NRG1: variants seen among roughly 807,000 people sequenced by gnomAD.
NRG1 encodes neuregulin 1, also known as pro-neuregulin-1, membrane-bound isoform.
NRG1 carries 18 observed loss-of-function variants against 63.8 expected under a neutral mutation model. That is an observed-to-expected ratio of 0.28 (90% CI 0.19 to 0.42). The LOEUF (loss-of-function observed/expected upper bound fraction) is 0.42, where lower values mean the gene tolerates loss of function less well. Among genes scored for constraint, NRG1 ranks in the 10% least tolerant of loss-of-function variants. NRG1 has a pLI of 1.00. For synonymous variants in NRG1, 302 were observed against 301.3 expected, an observed-to-expected ratio of 1.00 and a Z score of -0.02; for missense variants, 762 against 814.7, an observed-to-expected ratio of 0.94 and a Z score of 0.79.
At chr8:32,467,463 A>T (rs1209141325) in intron 1 of NRG1, among the ~76,000 whole-genome samples, 1 of 152,196 alleles carries the variant, frequency 6.6e-6, no homozygotes, top group Admixed American at 6.5e-5. Context: ...AATAGATGCC[A>T]TGTGAAATCC....
At chr8:32,061,271 C>T (rs1253500726) in intron 1 of NRG1, among the ~76,000 whole-genome samples, 1 of 151,770 alleles carries the variant, frequency 6.6e-6, no homozygotes, top group Admixed American at 6.6e-5. Context: ...TTTAAAGTAC[C>T]TCCTTTAAAG....
At chr8:32,709,908 C>A (rs1030038762) in intron 5 of NRG1, among the ~76,000 whole-genome samples, 3 of 152,138 alleles carry the variant, frequency 2.0e-5, no homozygotes, top group African/African-American at 7.2e-5. Context: ...CATTGTTCTT[C>A]CAATTTTGCA....
At chr8:31,808,174 G>C (rs1256253007) in intron 1 of NRG1, among the ~76,000 whole-genome samples, 1 of 151,826 alleles carries the variant, frequency 6.6e-6, no homozygotes, top group Non-Finnish European at 1.5e-5. Flanking sequence ...ATGATTAAAA[G>C]TTATGTTTCA....
At chr8:32,767,480 C>T (rs1430002792) in exon 12 of NRG1, 1 of 152,106 alleles carries the variant, frequency 6.6e-6, no homozygotes. Flanking sequence ...AGGAAATGGC[C>T]ACATATCACA....
intron 1 of NRG1, among the ~76,000 whole-genome samples, chr8:32,382,335 G>A (rs556815986): frequency 2.6e-4 from 39 of 152,204 alleles, no homozygotes; most frequent in African/African-American, 3.6e-4. Flanking sequence ...TTTCATAACC[G>A]TAGAAATTAT....
intron 1 of NRG1, among the ~76,000 whole-genome samples, chr8:31,844,213 G>T (rs1826461856): frequency 6.6e-6 from 1 of 152,184 alleles, no homozygotes; most frequent in South Asian, 2.1e-4. Flanking sequence ...GTGCTGAGCT[G>T]CCTCCTGTGG....
chr8:32,496,634 G>A (rs1827232200), intron 1 of NRG1, among the ~76,000 whole-genome samples: 1 of 152,110 alleles, frequency 6.6e-6, no homozygotes, highest in East Asian at 1.9e-4. Context: ...GTGTTTGGGA[G>A]GGAGACTGGT....
chr8:32,102,125 T>A lies in NRG1; in HGVS notation c.37+462694T>A, dbSNP rs568804533. On this transcript the variant is annotated intron_variant, in intron 1 of 10. Transcript: ENST00000519301. ...TTGCTTTCAAATACACTTTTAACAA[T>A]ACAAAAGAATAATTGAAGACTTTTT... Among the ~76,000 whole-genome samples the A allele has an allele frequency of 2.0e-5, 3 of 152,252 alleles. No individual in the cohort carries two copies. In the South Asian group the frequency reaches 6.2e-4, roughly 32 times the overall value.
chr8:32,163,061 G>T (rs1839008544), intron 1 of NRG1, among the ~76,000 whole-genome samples: 1 of 152,156 alleles, frequency 6.6e-6, no homozygotes, highest in South Asian at 2.1e-4. Context: ...CTCCTTAAAA[G>T]AAAATTAAAT....
In NRG1 at chr8:32,349,472, T is replaced by G. The variant is rs573006830; in HGVS notation, c.38-246356T>G. ...ATGAGTAGTCAAGGTACCATACACA[T>G]GGGAAGTGTGAAGGAGACTTACTTA... On this transcript the variant is annotated intron_variant, in intron 1 of 10. Coordinates refer to the NRG1 transcript ENST00000519301. Among the ~76,000 whole-genome samples the G allele has an allele frequency of 3.7e-4, 56 of 152,242 alleles. No individual in the cohort carries two copies. The South Asian group carries it at 6.6e-3, about 18-fold the overall frequency.
At chr8:32,071,932 T>G (rs1825806948) in intron 1 of NRG1, among the ~76,000 whole-genome samples, 1 of 152,182 alleles carries the variant, frequency 6.6e-6, no homozygotes, top group Non-Finnish European at 1.5e-5. Context: ...CACAAGGCAG[T>G]TAGTAGACGA....
rs28545652 is a variant in NRG1, at chr8:32,690,061, G to A, written c.503-37888G>A. On this transcript the variant is annotated intron_variant, in intron 5 of 11. Transcript: ENST00000356819. The stretch of plus-strand genomic sequence containing the variant: ...GTCCTTGCCCTTCCTGATACACTTT[G>A]ATATACCTTCAACTTTGAGATCATT... Among the ~76,000 whole-genome samples, 1,257 of 152,204 alleles carry A rather than the reference G, an allele frequency of 8.3e-3. 15 individuals are homozygous for A. The highest frequency in any genetic ancestry group is 0.029 in the African/African-American group (1,199 of 41,528).
At chr8:31,699,829 C>T (rs1810456049) in intron 1 of NRG1, among the ~76,000 whole-genome samples, 1 of 152,028 alleles carries the variant, frequency 6.6e-6, no homozygotes, top group African/African-American at 2.4e-5. Context: ...CCTAGGTTTA[C>T]TGAGTGGGAG....
chr8:32,166,230 G>A (rs966448619), intron 1 of NRG1, among the ~76,000 whole-genome samples: 5 of 152,046 alleles, frequency 3.3e-5, no homozygotes, highest in African/African-American at 1.2e-4. Context: ...GGAGCAATAT[G>A]TTTTGTTCTC....
chr8:31,856,609 C>A (rs2929482), intron 1 of NRG1, among the ~76,000 whole-genome samples: 107,151 of 152,080 alleles, frequency 0.7, 38,403 homozygotes, highest in East Asian at 0.92. Flanking sequence ...TTCTTCTCTC[C>A]GCTCGTCAAA....
chr8:32,359,260 T>C (rs1035528162), intron 1 of NRG1, among the ~76,000 whole-genome samples: 2 of 152,208 alleles, frequency 1.3e-5, no homozygotes, highest in Admixed American at 6.5e-5. Flanking sequence ...CACCTATCTT[T>C]GATTCATTCA....
At chr8:31,708,443 A>ATT (rs1232647785) in intron 1 of NRG1, among the ~76,000 whole-genome samples, 1 of 132,072 alleles carries the variant, frequency 7.6e-6, no homozygotes, top group Non-Finnish European at 1.6e-5. Flanking sequence ...AATAAACATA[A>ATT]TTGTTTTTTT....
intron 1 of NRG1, among the ~76,000 whole-genome samples, chr8:32,144,050 G>A (rs1405626017): frequency 6.6e-6 from 1 of 152,206 alleles, no homozygotes; most frequent in Non-Finnish European, 1.5e-5. Flanking sequence ...TTAGAATGAT[G>A]AGTCCAGTTG....
At chr8:31,780,774 G>A (rs1233980310) in intron 1 of NRG1, among the ~76,000 whole-genome samples, 1 of 152,196 alleles carries the variant, frequency 6.6e-6, no homozygotes, top group African/African-American at 2.4e-5. Context: ...TTTCTGGTGT[G>A]CAAGGGAGTG....
Sources: gnomAD v4.1 joint callset for allele counts (sites outside exome capture counted in the v4.1 genomes callset) on GRCh38, gnomAD v4.1.1 for gene constraint, MANE v1.5 for transcripts, NCBI Gene and HGNC (gene_info 2026-07-23, HGNC 2026-07-21) for gene names.